Variants in MBD5 observed in about 807,000 individuals in gnomAD.
MBD5 encodes methyl-CpG binding domain protein 5.
Under a neutral mutation model 117.3 loss-of-function variants are expected in MBD5, and 13 were observed. The observed-to-expected ratio is 0.11, with a 90% CI of 0.07 to 0.18. The LOEUF (loss-of-function observed/expected upper bound fraction) is 0.18, where lower values mean the gene tolerates loss of function less well. MBD5 is among the 10% of genes least tolerant of loss of function. The pLI is 1.00. For synonymous variants in MBD5, 727 were observed against 766.4 expected (o/e 0.95, Z 0.85); for missense variants, 1,879 against 2,093.8 (o/e 0.90, Z 2.00).
At chr2:148,224,660 T>A (rs1413061661) in intron 2 of MBD5, among the ~76,000 whole-genome samples, 1 of 151,662 alleles carries the variant, frequency 6.6e-6, no homozygotes, top group Non-Finnish European at 1.5e-5. Context: ...CACACCTGGC[T>A]GCCTCTAGCT....
At chr2:148,249,552 C>G (rs10197288) in intron 3 of MBD5, among the ~76,000 whole-genome samples, 1,953 of 152,278 alleles carry the variant, frequency 0.013, 37 homozygotes, top group African/African-American at 0.044. Flanking sequence ...ACTTTTGACA[C>G]AGTTCATTAC....
At chr2:148,482,006 G>A (rs745376398) in intron 8 of MBD5, among the ~76,000 whole-genome samples, 1 of 152,058 alleles carries the variant, frequency 6.6e-6, no homozygotes, top group Non-Finnish European at 1.5e-5. Context: ...GTATCTTTAC[G>A]CAATCAGAAT....
intron 1 of MBD5, among the ~76,000 whole-genome samples, chr2:148,082,116 A>C (rs77302665): frequency 6.6e-6 from 1 of 152,198 alleles, no homozygotes; most frequent in African/African-American, 2.4e-5. Flanking sequence ...ATGCAAAACC[A>C]GAGGCATTTC....
chr2:148,155,557 A>G (rs150310087), intron 1 of MBD5, among the ~76,000 whole-genome samples: 3 of 151,988 alleles, frequency 2.0e-5, no homozygotes, highest in East Asian at 3.8e-4. Context: ...TCCAACTCCT[A>G]TGTTACTCTT....
intron 1 of MBD5, among the ~76,000 whole-genome samples, chr2:148,135,175 T>C (rs1463212054): frequency 6.6e-6 from 1 of 152,234 alleles, no homozygotes; most frequent in Non-Finnish European, 1.5e-5. Context: ...TTTCTCTTAA[T>C]CTTTAGAATA....
intron 4 of MBD5, among the ~76,000 whole-genome samples, chr2:148,431,265 A>G (rs1450517473): frequency 3.3e-5 from 5 of 152,168 alleles, no homozygotes; most frequent in Non-Finnish European, 5.9e-5. Context: ...ATCAGTTTAC[A>G]AAATATTTTA....
At chr2:148,498,517 T>C (rs1681771810) in intron 11 of MBD5, among the ~76,000 whole-genome samples, 1 of 152,154 alleles carries the variant, frequency 6.6e-6, no homozygotes, top group South Asian at 2.1e-4. Flanking sequence ...TTTGTATTTT[T>C]AGTAAAGACA....
At chr2:148,270,303 A>G (rs183948301) in intron 3 of MBD5, among the ~76,000 whole-genome samples, 1 of 152,262 alleles carries the variant, frequency 6.6e-6, no homozygotes, top group East Asian at 1.9e-4. Context: ...TTTTTCTGAT[A>G]GAGAGCATTG....
intron 1 of MBD5, among the ~76,000 whole-genome samples, chr2:148,158,723 T>C (rs1025283517): frequency 6.6e-6 from 1 of 152,150 alleles, no homozygotes. Context: ...TTGTTTGTTT[T>C]ATTTATTTAT....
chr2:148,503,531 G>A (rs1225582490), intron 12 of MBD5, among the ~76,000 whole-genome samples: 1 of 152,154 alleles, frequency 6.6e-6, no homozygotes, highest in Non-Finnish European at 1.5e-5. Context: ...ATTCTGGCCA[G>A]AGGCATAATT....
intron 4 of MBD5, among the ~76,000 whole-genome samples, chr2:148,365,148 C>T (rs925207684): frequency 1.3e-5 from 2 of 152,142 alleles, no homozygotes; most frequent in African/African-American, 4.8e-5. Flanking sequence ...TCTCTCAGAC[C>T]ACAGTGCAAT....
At chr2:148,417,191 T>G (rs950055284) in intron 4 of MBD5, among the ~76,000 whole-genome samples, 1 of 152,004 alleles carries the variant, frequency 6.6e-6, no homozygotes, top group African/African-American at 2.4e-5. Context: ...GGTGTGATCT[T>G]GGCTCACTGC....
chr2:148,126,265 C>G (rs1441468334), intron 1 of MBD5, among the ~76,000 whole-genome samples: 1 of 151,270 alleles, frequency 6.6e-6, no homozygotes, highest in Non-Finnish European at 1.5e-5. Flanking sequence ...TTTAGCTGGG[C>G]GTGGTGGTGT....
At chr2:148,171,428 C>T (rs1283754170) in intron 1 of MBD5, among the ~76,000 whole-genome samples, 1 of 152,104 alleles carries the variant, frequency 6.6e-6, no homozygotes, top group Non-Finnish European at 1.5e-5. Context: ...AATTCAACAT[C>T]CTTTCATGTT....
chr2:148,436,833 T>C (rs565933865), intron 4 of MBD5, among the ~76,000 whole-genome samples: 36 of 152,064 alleles, frequency 2.4e-4, no homozygotes, highest in Non-Finnish European at 4.9e-4. Context: ...ACATGCACAC[T>C]CAGATGTGTT....
At chr2:148,211,941 G>A (rs1287641165) in intron 2 of MBD5, among the ~76,000 whole-genome samples, 1 of 151,964 alleles carries the variant, frequency 6.6e-6, no homozygotes, top group Non-Finnish European at 1.5e-5. Flanking sequence ...TAGAGACAGG[G>A]TCTTACTATG....
At chr2:148,240,079 T>G (rs889409440) in intron 3 of MBD5, among the ~76,000 whole-genome samples, 45 of 152,196 alleles carry the variant, frequency 3.0e-4, no homozygotes, top group African/African-American at 1.1e-3. Context: ...TGGAATCCTA[T>G]GCAGCCATTA....
At chr2:148,262,353 A>G (rs1244946571) in intron 3 of MBD5, among the ~76,000 whole-genome samples, 1 of 152,178 alleles carries the variant, frequency 6.6e-6, no homozygotes, top group Non-Finnish European at 1.5e-5. Context: ...TAAAGTAAAA[A>G]AAAAAAATTA....
chr2:148,147,071 A>G (rs1697485272), intron 1 of MBD5, among the ~76,000 whole-genome samples: 1 of 151,970 alleles, frequency 6.6e-6, no homozygotes, highest in South Asian at 2.1e-4. Flanking sequence ...CTTTGAACAT[A>G]TGTATTGTAG....
Sources: allele counts gnomAD v4.1 joint callset (sites outside exome capture counted in the v4.1 genomes callset), GRCh38; gene constraint gnomAD v4.1.1; transcripts MANE v1.5; gene names NCBI Gene and HGNC (gene_info 2026-07-23, HGNC 2026-07-21).